PKHD1L1: variants seen among roughly 807,000 people sequenced by gnomAD.
PKHD1L1 encodes PKHD1 like 1, also known as fibrocystin-L.
PKHD1L1 carries 434 observed loss-of-function variants against 462.9 expected under a neutral mutation model. That is an observed-to-expected ratio of 0.94 (90% CI 0.87 to 1.02). The LOEUF (loss-of-function observed/expected upper bound fraction) is 1.02. Ranked by LOEUF, PKHD1L1 falls within the 50% of genes least tolerant of loss-of-function variation. The pLI is 0.00. For synonymous variants in PKHD1L1, 1,781 were observed against 1,750.0 expected (o/e 1.02, Z -0.44); for missense variants, 5,202 against 5,096.1 (o/e 1.02, Z -0.63).
intron 55 of PKHD1L1, chr8:109,480,480 A>G (rs1031518412): frequency 4.7e-6 from 2 of 427,046 alleles, no homozygotes; most frequent in African/African-American, 2.1e-5. Context: ...AAAGAATTTA[A>G]GCCTTTTGTT....
chr8:109,420,483 T>C (rs1050361495), intron 22 of PKHD1L1, 35 bp from the exon 23 acceptor site: 2 of 1,391,996 alleles, frequency 1.4e-6, no homozygotes, highest in African/African-American at 1.5e-5. Context: ...CAGTTACTTT[T>C]ACACCAACCT....
At chr8:109,515,865 A>C (rs1210212984) in intron 72 of PKHD1L1, among the ~76,000 whole-genome samples, 6 of 152,132 alleles carry the variant, frequency 3.9e-5, no homozygotes, top group Admixed American at 3.9e-4. Context: ...TTTTTGTTAA[A>C]CAGGGTTCTA....
chr8:109,478,471 A>G (rs568305437), intron 53 of PKHD1L1, among the ~76,000 whole-genome samples: 3 of 152,140 alleles, frequency 2.0e-5, no homozygotes, highest in Non-Finnish European at 4.4e-5. Flanking sequence ...TGGGACAGAG[A>G]GCAATATGGC....
chr8:109,376,105 C>T (rs904968461), intron 2 of PKHD1L1, among the ~76,000 whole-genome samples: 17 of 152,236 alleles, frequency 1.1e-4, no homozygotes, highest in Non-Finnish European at 1.2e-4. Context: ...AAAGGTGGAG[C>T]CTACAGAGGC....
intron 71 of PKHD1L1, among the ~76,000 whole-genome samples, chr8:109,512,046 G>C (rs1030324154): frequency 3.3e-5 from 5 of 151,812 alleles, no homozygotes; most frequent in Non-Finnish European, 5.9e-5. Flanking sequence ...GGGGTTGTTT[G>C]TTTTTTTCTT....
chr8:109,439,157 G>A, intron 32 of PKHD1L1, 65 bp downstream of exon 32: 1 of 1,411,906 alleles, frequency 7.1e-7, no homozygotes, highest in Non-Finnish European at 9.8e-7. Flanking sequence ...ATTGGGATAG[G>A]AAAAGAAGTG....
At chr8:109,461,620 A>G (rs562096345) in intron 47 of PKHD1L1, among the ~76,000 whole-genome samples, 152 bp from the exon 48 acceptor site, 1 of 152,284 alleles carries the variant, frequency 6.6e-6, no homozygotes, top group African/African-American at 2.4e-5. Context: ...CTTGCTATCT[A>G]AAAGAGGAAA....
chr8:109,455,473 G>T (rs73309315), intron 45 of PKHD1L1, among the ~76,000 whole-genome samples: 1 of 152,016 alleles, frequency 6.6e-6, no homozygotes, highest in Admixed American at 6.5e-5. Context: ...GGCTCTTCTC[G>T]TTTCATTTTA....
Position 109,438,424 on chromosome 8 carries a change from C to T in PKHD1L1, c.3728C>T (p.Thr1243Ile). The T allele has an allele frequency of 6.5e-7, 1 of 1,540,026 alleles. No homozygotes were observed. Among genetic ancestry groups the T allele is most frequent in the East Asian group, 2.5e-5 (1 of 40,636 alleles). Residue 1243 changes from threonine to isoleucine, a missense_variant, in exon 31 of 78, where the codon ACT becomes ATT. Around this residue, in one of 3 missense-constraint regions of PKHD1L1, gnomAD observed 4,497 missense variants for 4,336.8 expected, o/e 1.04. Coordinates refer to ENST00000378402, the MANE Select transcript of PKHD1L1 (RefSeq NM_177531.6). ...AATTGTTTACAGACACCAATTATAA[C>T]TGATTTTAGTCCAAAAGTACGAACA... is the stretch of plus-strand genomic sequence containing the variant. ...SYNCLQTPII[T>I]DFSPKVRTIL... is the part of the protein sequence containing the mutation.
intron 58 of PKHD1L1, among the ~76,000 whole-genome samples, chr8:109,486,026 C>G (rs187553957): frequency 6.6e-6 from 1 of 151,894 alleles, no homozygotes; most frequent in South Asian, 2.1e-4. Context: ...GTTTGAAATG[C>G]ACCTGCTTGT....
At chr8:109,463,125 A>G (rs1817232463) in intron 48 of PKHD1L1, among the ~76,000 whole-genome samples, 1 of 152,292 alleles carries the variant, frequency 6.6e-6, no homozygotes, top group East Asian at 1.9e-4. Context: ...GGAACAATGC[A>G]TGGCATATAG....
chr8:109,533,792 A>T lies in PKHD1L1; in HGVS notation c.*3702A>T, dbSNP rs1268351093. ...ATCTACAGAAAAATCTTGACAAAAAAAAAATTCCAGTGGATTGAATTAAAA... is the reference window on the plus strand; with the variant it reads ...ATCTACAGAAAAATCTTGACAAAAATAAAATTCCAGTGGATTGAATTAAAA... On this transcript the variant is annotated 3_prime_UTR_variant, in exon 78 of 78. Transcript: ENST00000378402. Among the ~76,000 whole-genome samples the T allele has an allele frequency of 6.6e-6, 1 of 152,220 alleles. No individual in the cohort carries two copies. The highest frequency in any genetic ancestry group is 1.5e-5 in the Non-Finnish European group (1 of 68,030).
intron 9 of PKHD1L1, among the ~76,000 whole-genome samples, chr8:109,392,429 A>G (rs1333519892): frequency 2.0e-5 from 3 of 152,178 alleles, no homozygotes; most frequent in Non-Finnish European, 4.4e-5. Context: ...GGAAATTCAC[A>G]TATAATATAA....
At chr8:109,417,777 C>T (rs546750264) in intron 21 of PKHD1L1, among the ~76,000 whole-genome samples, 1 of 152,306 alleles carries the variant, frequency 6.6e-6, no homozygotes, top group South Asian at 2.1e-4. Context: ...GTCTCGAGCT[C>T]CTGACCTCGT....
At chr8:109,398,916 G>A (rs1348920331) in intron 12 of PKHD1L1, among the ~76,000 whole-genome samples, 1 of 152,040 alleles carries the variant, frequency 6.6e-6, no homozygotes, top group African/African-American at 2.4e-5. Context: ...ATAAATAGGG[G>A]AAGTTAAATA....
chr8:109,466,782 T>C lies in PKHD1L1; in HGVS notation c.8605+13T>C, dbSNP rs765271004. ...TCAGACTCTTTTGGTAAGTGGAATA[T>C]ATTAGTTTAAACAACTAATTTAAAT... On this transcript the variant is annotated intron_variant, in intron 50 of 77. Coordinates refer to ENST00000378402, the MANE Select transcript of PKHD1L1 (RefSeq NM_177531.6). The C allele has an allele frequency of 1.3e-5, 21 of 1,592,908 alleles. No homozygotes were observed. Among genetic ancestry groups the C allele is most frequent in the Non-Finnish European group, 1.7e-5 (20 of 1,170,456 alleles).
intron 67 of PKHD1L1, among the ~76,000 whole-genome samples, chr8:109,499,927 G>A (rs531104293): frequency 4.6e-5 from 7 of 152,272 alleles, no homozygotes; most frequent in Admixed American, 1.3e-4. Context: ...GGTAGGGGAC[G>A]GAAGTCATTT....
At chr8:109,527,165 A>G in intron 77 of PKHD1L1, 145 bp downstream of exon 77, 1 of 724,756 alleles carries the variant, frequency 1.4e-6, no homozygotes, top group Non-Finnish European at 2.2e-6. Flanking sequence ...AGACAAGACA[A>G]CCTATGGAAA....
chr8:109,425,364 T>C (rs993895781), intron 24 of PKHD1L1, 132 bp downstream of exon 24: 17 of 540,808 alleles, frequency 3.1e-5, no homozygotes, highest in African/African-American at 3.0e-4. Context: ...ATTTATTTGA[T>C]ATATAAGTAA....
Sources: gnomAD v4.1 joint callset for allele counts (sites outside exome capture counted in the v4.1 genomes callset) on GRCh38, gnomAD v4.1.1 for gene constraint, gnomAD v4.1.1 regional missense constraint, MANE v1.5 for transcripts, NCBI Gene and HGNC (gene_info 2026-07-23, HGNC 2026-07-21) for gene names.